AZIN2: variants seen among roughly 807,000 people sequenced by gnomAD.
The protein encoded by AZIN2 is ODC antizyme inhibitor-2.
In AZIN2, 28 loss-of-function variants were observed where a neutral mutation model predicts 47.8. The ratio of observed to expected loss-of-function variants is 0.59; its 90% confidence interval spans 0.43 to 0.80. The LOEUF (loss-of-function observed/expected upper bound fraction) is 0.80, where lower values mean the gene tolerates loss of function less well. AZIN2 is among the 30% of genes least tolerant of loss of function. The pLI, the probability that AZIN2 is intolerant of heterozygous loss-of-function variation, is 0.00. For synonymous variants in AZIN2, 221 were observed against 239.4 expected (o/e 0.92, Z 0.71); for missense variants, 535 against 582.5 (o/e 0.92, Z 0.84).
At chr1:33,160,012 G>A in the AZIN2 span, 1 of 1,561,780 alleles carries the variant, frequency 6.4e-7, no homozygotes, top group Non-Finnish European at 8.7e-7. Flanking sequence ...GTGAGAGGAG[G>A]AAATCGAGAG....
the AZIN2 span, chr1:33,159,668 C>T: frequency 5.0e-6 from 8 of 1,592,052 alleles, no homozygotes; most frequent in Non-Finnish European, 6.8e-6. The surrounding 1 kb of genome is among the most constrained non-coding windows in gnomAD (Gnocchi z 4.2). Context: ...CCGGGGAGGG[C>T]CCCGGCGGGT....
intron 7 of AZIN2, among the ~76,000 whole-genome samples, chr1:33,093,963 G>A (rs1642864421): frequency 6.6e-6 from 1 of 152,054 alleles, no homozygotes; most frequent in Non-Finnish European, 1.5e-5. Context: ...AAAGTCTTGG[G>A]CTCAAGCAAT....
intron 10 of AZIN2, among the ~76,000 whole-genome samples, chr1:33,114,163 C>T (rs1410506308): frequency 2.0e-5 from 3 of 151,648 alleles, no homozygotes; most frequent in African/African-American, 7.3e-5. Flanking sequence ...GCTCTGTCAC[C>T]CAGGCTGGAG....
the AZIN2 span, among the ~76,000 whole-genome samples, chr1:33,152,516 A>G: frequency 1.3e-5 from 2 of 151,922 alleles, no homozygotes; most frequent in South Asian, 2.1e-4. Context: ...GTGGTGAGCC[A>G]AGATTGTGCC....
chr1:33,096,908 G>A (rs1180010061), intron 9 of AZIN2, 39 bp downstream of exon 9: 1 of 1,613,098 alleles, frequency 6.2e-7, no homozygotes, highest in East Asian at 2.2e-5. Flanking sequence ...GTTCTCCCCT[G>A]AAGCTTCAGA....
At chr1:33,143,506 GA>G in the AZIN2 span, among the ~76,000 whole-genome samples, 6 of 152,144 alleles carry the variant, frequency 3.9e-5, no homozygotes, top group African/African-American at 1.4e-4. Flanking sequence ...ACTTCCCTGT[GA>G]ACTGGGCTGC....
At chr1:33,166,573 T>G in the AZIN2 span, among the ~76,000 whole-genome samples, 1 of 152,234 alleles carries the variant, frequency 6.6e-6, no homozygotes, top group Admixed American at 6.5e-5. Flanking sequence ...CTCCATCTTC[T>G]GATGGAGAAA....
intron 10 of AZIN2, among the ~76,000 whole-genome samples, chr1:33,099,661 C>G (rs1338337917): frequency 6.6e-6 from 1 of 152,196 alleles, no homozygotes; most frequent in African/African-American, 2.4e-5. Context: ...TGGCTGATCT[C>G]TAGTTGGCAT....
intron 10 of AZIN2, among the ~76,000 whole-genome samples, chr1:33,117,502 T>C (rs1359252807): frequency 6.6e-6 from 1 of 152,212 alleles, no homozygotes. Context: ...TAAGTTACAA[T>C]TGTGCTGACT....
chr1:33,107,099 C>T (rs1001187632), intron 10 of AZIN2, among the ~76,000 whole-genome samples: 1 of 151,668 alleles, frequency 6.6e-6, no homozygotes, highest in Admixed American at 6.6e-5. Context: ...CCACCCTGGC[C>T]AATGTGGTGA....
intron 10 of AZIN2, among the ~76,000 whole-genome samples, chr1:33,110,248 C>A (rs1427863256): frequency 2.0e-5 from 3 of 152,172 alleles, no homozygotes; most frequent in Non-Finnish European, 2.9e-5. Flanking sequence ...AACCTTAAGC[C>A]TCAAAATAAT....
the AZIN2 span, among the ~76,000 whole-genome samples, chr1:33,156,631 G>A: frequency 3.9e-5 from 6 of 152,112 alleles, no homozygotes; most frequent in South Asian, 2.1e-4. Context: ...TTTTCTATCC[G>A]CCCCCACTTC....
At chr1:33,162,619 A>G in the AZIN2 span, among the ~76,000 whole-genome samples, 2 of 152,166 alleles carry the variant, frequency 1.3e-5, no homozygotes, top group Non-Finnish European at 2.9e-5. Context: ...TGCTCCGTAG[A>G]GCTGGGTGCA....
In AZIN2 at chr1:33,120,217, G is replaced by C. The variant is rs779051307; in HGVS notation, c.*35G>C. On this transcript the variant is annotated 3_prime_UTR_variant, in exon 12 of 12. Coordinates refer to ENST00000294517, the MANE Select transcript of AZIN2 (RefSeq NM_052998.4). Reference sequence around the variant, plus strand: ...GTTCCCCCCGGAGAATCCCAGCGGGGCCTCAGAGATGCATCTGGGAGAGGT... The same window carrying C: ...GTTCCCCCCGGAGAATCCCAGCGGGCCCTCAGAGATGCATCTGGGAGAGGT... 6.4e-7 allele frequency: 1 copy of C among 1,571,106 alleles called. No homozygotes were observed. The highest frequency in any genetic ancestry group is 8.7e-7 in the Non-Finnish European group (1 of 1,151,930).
chr1:33,119,949 C>T (rs1360350039), intron 11 of AZIN2, 95 bp from the exon 12 acceptor site: 30 of 1,550,634 alleles, frequency 1.9e-5, no homozygotes, highest in Middle Eastern at 1.7e-4. Flanking sequence ...CTCGGGCTCA[C>T]GTGAGAGCCC....
intron 4 of AZIN2, chr1:33,083,721 C>T (rs977556252): frequency 2.5e-5 from 14 of 567,836 alleles, no homozygotes; most frequent in Non-Finnish European, 4.1e-5. Context: ...CAGCCTACAG[C>T]TGGAGTTTTA....
At chr1:33,150,405 G>C in the AZIN2 span, among the ~76,000 whole-genome samples, 1 of 152,230 alleles carries the variant, frequency 6.6e-6, no homozygotes, top group Non-Finnish European at 1.5e-5. Context: ...CTGTGCCTCT[G>C]TTCATATACC....
the AZIN2 span, chr1:33,158,139 G>A: frequency 2.2e-6 from 2 of 909,682 alleles, no homozygotes; most frequent in African/African-American, 3.3e-5. Flanking sequence ...TAGGTGCTCA[G>A]CAAGGCACTC....
At chr1:33,148,006 T>C in the AZIN2 span, among the ~76,000 whole-genome samples, 1 of 152,196 alleles carries the variant, frequency 6.6e-6, no homozygotes, top group Admixed American at 6.5e-5. Flanking sequence ...TAGTGGGCAC[T>C]GGCAAATGTT....
Sources: gnomAD v4.1 joint callset for allele counts (sites outside exome capture counted in the v4.1 genomes callset) on GRCh38, gnomAD v4.1.1 for gene constraint, Gnocchi (gnomAD v3.1) non-coding constraint, MANE v1.5 for transcripts, NCBI Gene and HGNC (gene_info 2026-07-23, HGNC 2026-07-21) for gene names.